Variants in SOBP observed in about 807,000 individuals in gnomAD.
SOBP encodes sine oculis-binding protein homolog.
SOBP carries 4 observed loss-of-function variants against 53.6 expected under a neutral mutation model. That is an observed-to-expected ratio of 0.07 (90% CI 0.04 to 0.17). SOBP has a LOEUF of 0.17. Ranked by LOEUF, SOBP falls within the 10% of genes least tolerant of loss-of-function variation. The pLI is 1.00. For missense variants in SOBP, 1,088 were observed against 1,204.7 expected, an observed-to-expected ratio of 0.90 and a Z score of 1.43; for synonymous variants, 584 against 522.6, an observed-to-expected ratio of 1.12 and a Z score of -1.60.
At chr6:107,626,864 A>G (rs552833261) in intron 5 of SOBP, among the ~76,000 whole-genome samples, 43 of 152,234 alleles carry the variant, frequency 2.8e-4, no homozygotes, top group South Asian at 1.7e-3. Flanking sequence ...ACAGCTGAGC[A>G]CTGAGGCTCA....
Position 107,596,645 on chromosome 6 carries a change from T to C in SOBP, c.669+9470T>C, listed in dbSNP as rs909490411. 2.8e-4 allele frequency among the ~76,000 whole-genome samples: 42 copies of C among 152,240 alleles called. 1 individual carries two copies. Among genetic ancestry groups the C allele is most frequent in the Non-Finnish European group, 1.5e-5 (1 of 68,048 alleles). ...ATAAGAAACTTTACTTTTGCCTTGA[T>C]TTTCCAGAAAATTGCTTTTTGTTCT... On this transcript the variant is annotated intron_variant, in intron 5 of 6. Coordinates refer to ENST00000317357, the MANE Select transcript of SOBP (RefSeq NM_018013.4).
At chr6:107,559,520 G>A (rs1784715046) in intron 4 of SOBP, among the ~76,000 whole-genome samples, 1 of 152,232 alleles carries the variant, frequency 6.6e-6, no homozygotes, top group African/African-American at 2.4e-5. Context: ...AGGAGATATT[G>A]AGAATTACCA....
intron 6 of SOBP, among the ~76,000 whole-genome samples, chr6:107,646,476 A>G (rs846961): frequency 0.98 from 148,786 of 152,334 alleles, 72,691 homozygotes; most frequent in East Asian, 1. Context: ...TGTTTCATGC[A>G]TGCACAGAGG....
chr6:107,506,990 T>G (rs1464417458), intron 3 of SOBP, among the ~76,000 whole-genome samples: 1 of 151,070 alleles, frequency 6.6e-6, no homozygotes, highest in East Asian at 2.0e-4. Context: ...CACTTGAACC[T>G]GGGAGGCAGA....
At chr6:107,594,860 G>A (rs775330862) in intron 5 of SOBP, among the ~76,000 whole-genome samples, 2 of 152,224 alleles carry the variant, frequency 1.3e-5, no homozygotes, top group African/African-American at 4.8e-5. Flanking sequence ...CTCTGGGGGA[G>A]GGCAGGAGGC....
At chr6:107,636,239 C>T (rs62428438) in intron 6 of SOBP, 2,011 of 155,276 alleles carry the variant, frequency 0.013, 20 homozygotes, top group Non-Finnish European at 0.018. Flanking sequence ...TGGGAGGCTT[C>T]GATAGGGAAG....
intron 5 of SOBP, among the ~76,000 whole-genome samples, chr6:107,632,129 GT>G (rs1562113190): frequency 1.3e-5 from 2 of 152,066 alleles, no homozygotes; most frequent in Non-Finnish European, 2.9e-5. Flanking sequence ...GTTTATGATA[GT>G]TTTTTTAAAA....
intron 4 of SOBP, among the ~76,000 whole-genome samples, chr6:107,566,194 G>T (rs1203324751): frequency 6.6e-6 from 1 of 152,174 alleles, no homozygotes; most frequent in Non-Finnish European, 1.5e-5. Flanking sequence ...GAAGGAAAAT[G>T]GACAACTTAG....
intron 4 of SOBP, among the ~76,000 whole-genome samples, chr6:107,552,194 A>T (rs1583203407): frequency 6.6e-6 from 1 of 152,192 alleles, no homozygotes; most frequent in Non-Finnish European, 1.5e-5. Context: ...AATTTCACCA[A>T]GTTAAACCGA....
At chr6:107,565,562 A>G (rs1490623369) in intron 4 of SOBP, among the ~76,000 whole-genome samples, 1 of 152,136 alleles carries the variant, frequency 6.6e-6, no homozygotes, top group Non-Finnish European at 1.5e-5. Context: ...CCCACTTCCC[A>G]TATGGTCATC....
chr6:107,601,488 CTATT>C (rs1161473301), intron 5 of SOBP, among the ~76,000 whole-genome samples: 1 of 152,226 alleles, frequency 6.6e-6, no homozygotes, highest in Non-Finnish European at 1.5e-5. Flanking sequence ...CTTTCTGAAA[CTATT>C]TAGATTAAAT....
At chr6:107,552,059 G>T (rs1764575430) in intron 4 of SOBP, among the ~76,000 whole-genome samples, 1 of 152,168 alleles carries the variant, frequency 6.6e-6, no homozygotes, top group Admixed American at 6.5e-5. Context: ...GGGACTTACT[G>T]ATGAGCTGAG....
At chr6:107,574,101 G>A (rs143634266) in intron 4 of SOBP, among the ~76,000 whole-genome samples, 127 of 152,228 alleles carry the variant, frequency 8.3e-4, no homozygotes, top group African/African-American at 2.8e-3. Flanking sequence ...CTTTGGGGCC[G>A]CAATGACACA....
At chr6:107,611,899 C>T (rs1218495628) in intron 5 of SOBP, among the ~76,000 whole-genome samples, 3 of 152,130 alleles carry the variant, frequency 2.0e-5, no homozygotes, top group African/African-American at 7.2e-5. Context: ...AAAAGAGAAT[C>T]CCAGAAACGT....
chr6:107,521,909 AACACACACACACACACAC>A lies in SOBP; in HGVS notation c.422-11516_422-11499del, dbSNP rs34004579. 8.6e-3 allele frequency among the ~76,000 whole-genome samples: 1,202 copies of A among 139,354 alleles called. 8 individuals are homozygous for A. The highest frequency in any genetic ancestry group is 0.013 in the Non-Finnish European group (828 of 64,862). 91.4% of individuals were successfully genotyped at this position (139,354 alleles called of 152,430 possible). On this transcript the variant is annotated intron_variant, in intron 3 of 6. Transcript: ENST00000317357. Reference sequence around the variant, plus strand: ...GTCTGGTGGAAGAGACAGACATTAAAACACACACACACACACACACACACACACACACACACACACACA... The same window carrying A: ...GTCTGGTGGAAGAGACAGACATTAAAACACACACACACACACACACACACA...
chr6:107,584,100 C>A (rs1254416645), intron 4 of SOBP, among the ~76,000 whole-genome samples: 1 of 152,092 alleles, frequency 6.6e-6, no homozygotes, highest in Admixed American at 6.5e-5. Context: ...CCAAGGGCCT[C>A]CCCTTGATAG....
intron 3 of SOBP, among the ~76,000 whole-genome samples, chr6:107,522,305 A>G (rs941020725): frequency 6.6e-6 from 1 of 152,078 alleles, no homozygotes; most frequent in Non-Finnish European, 1.5e-5. Context: ...AGGTGAGAGC[A>G]GTGGTCATAT....
chr6:107,495,657 G>A (rs1782681607), intron 1 of SOBP, among the ~76,000 whole-genome samples: 1 of 152,012 alleles, frequency 6.6e-6, no homozygotes, highest in South Asian at 2.1e-4. Flanking sequence ...GAAACCAAGA[G>A]GTAACAGAAT....
intron 1 of SOBP, among the ~76,000 whole-genome samples, chr6:107,491,892 A>C (rs954986788): frequency 1.3e-5 from 2 of 152,220 alleles, no homozygotes; most frequent in Non-Finnish European, 2.9e-5. Context: ...CTTCATTAGA[A>C]CAAGCATTTT....
Sources: allele counts gnomAD v4.1 joint callset (sites outside exome capture counted in the v4.1 genomes callset), GRCh38; gene constraint gnomAD v4.1.1; transcripts MANE v1.5; gene names NCBI Gene and HGNC (gene_info 2026-07-23, HGNC 2026-07-21).